Variants in PTAFR observed in about 807,000 individuals in gnomAD.
PTAFR encodes platelet-activating factor receptor.
A neutral mutation model predicts 14.7 loss-of-function variants in PTAFR; 8 were observed. The observed-to-expected ratio is 0.54, with a 90% confidence interval of 0.32 to 0.98. The LOEUF is 0.98. PTAFR is among the 50% of genes least tolerant of loss of function. The probability of loss-of-function intolerance (pLI) is 0.04; values close to 1 mark genes in which losing one functional copy is unlikely to be tolerated. For synonymous variants in PTAFR, 156 were observed against 176.5 expected, an observed-to-expected ratio of 0.88 and a Z score of 0.92; for missense variants, 337 against 451.2, an observed-to-expected ratio of 0.75 and a Z score of 2.29.
chr1:28,169,256 T>C (rs149166551), intron 1 of PTAFR, among the ~76,000 whole-genome samples: 3 of 148,982 alleles, frequency 2.0e-5, no homozygotes, highest in Admixed American at 6.7e-5. Flanking sequence ...TCAAAATGCA[T>C]GCTAAGAGAG....
chr1:28,180,496 C>T (rs879588055), upstream of PTAFR, among the ~76,000 whole-genome samples: 1 of 152,180 alleles, frequency 6.6e-6, no homozygotes, highest in African/African-American at 2.4e-5. Flanking sequence ...TTATCGGCAC[C>T]GCCAGTTGGC....
At chr1:28,162,683 A>C (rs1050427057) in intron 1 of PTAFR, among the ~76,000 whole-genome samples, 23 of 151,906 alleles carry the variant, frequency 1.5e-4, no homozygotes, top group African/African-American at 4.6e-4. Flanking sequence ...AAAATTAGCC[A>C]GGCATGGTGG....
intron 1 of PTAFR, among the ~76,000 whole-genome samples, chr1:28,159,918 T>A (rs888610282): frequency 1.3e-5 from 2 of 151,924 alleles, no homozygotes; most frequent in African/African-American, 4.8e-5. Flanking sequence ...GTAAAAAATA[T>A]TTTCCAGACA....
At chr1:28,152,213 T>C (rs917698371) in intron 1 of PTAFR, among the ~76,000 whole-genome samples, 4 of 152,138 alleles carry the variant, frequency 2.6e-5, no homozygotes, top group African/African-American at 9.7e-5. Flanking sequence ...TGTTTTTTCC[T>C]ACATAAAATA....
At chr1:28,151,085 T>C in intron 1 of PTAFR, 26 bp from the exon 2 acceptor site, 1 of 1,356,036 alleles carries the variant, frequency 7.4e-7, no homozygotes, top group South Asian at 1.4e-5. Flanking sequence ...AAAATTCTGG[T>C]TAATAAAGGG....
At chr1:28,151,183 C>CT (rs375423491) in intron 1 of PTAFR, 124 bp from the exon 2 acceptor site, 31,787 of 472,952 alleles carry the variant, frequency 0.067, no homozygotes, top group South Asian at 0.088. Flanking sequence ...CATGTTGAAT[C>CT]TTTTTTTTTT....
chr1:28,173,835 TCA>T (rs1646480635), intron 1 of PTAFR, among the ~76,000 whole-genome samples: 1 of 151,924 alleles, frequency 6.6e-6, no homozygotes, highest in Non-Finnish European at 1.5e-5. Flanking sequence ...TGTCTCTCTC[TCA>T]CACACAAACA....
At chr1:28,182,552 C>T (rs1482534499) in intron 1 of PTAFR, among the ~76,000 whole-genome samples, 2 of 151,772 alleles carry the variant, frequency 1.3e-5, no homozygotes, top group Non-Finnish European at 2.9e-5. Context: ...ATGATCATGC[C>T]ACTGCACTCC....
At chr1:28,166,984 CA>C (rs1236029028) in intron 1 of PTAFR, among the ~76,000 whole-genome samples, 1 of 151,706 alleles carries the variant, frequency 6.6e-6, no homozygotes, top group East Asian at 1.9e-4. Flanking sequence ...CTCTAAACAA[CA>C]AAAAAATTAA....
At chr1:28,156,789 G>T (rs1646268339) in intron 1 of PTAFR, among the ~76,000 whole-genome samples, 1 of 152,172 alleles carries the variant, frequency 6.6e-6, no homozygotes, top group Admixed American at 6.5e-5. Context: ...GACCGGCCTT[G>T]TTTCTCTCTC....
intron 1 of PTAFR, among the ~76,000 whole-genome samples, chr1:28,170,810 C>T (rs1646445061): frequency 1.3e-5 from 2 of 151,688 alleles, no homozygotes; most frequent in Admixed American, 6.6e-5. Flanking sequence ...ACCATCCTGG[C>T]TAACACGGTA....
chr1:28,163,215 G>C (rs1339738023), intron 1 of PTAFR, among the ~76,000 whole-genome samples: 1 of 152,172 alleles, frequency 6.6e-6, no homozygotes, highest in East Asian at 1.9e-4. Flanking sequence ...ATCGCCACAG[G>C]CAAAATGAGT....
At chr1:28,166,984 C>CA (rs1236029028) in intron 1 of PTAFR, among the ~76,000 whole-genome samples, 2 of 151,706 alleles carry the variant, frequency 1.3e-5, no homozygotes, top group Admixed American at 6.6e-5. Context: ...CTCTAAACAA[C>CA]AAAAAAATTA....
chr1:28,181,717 G>T (rs975239726), intron 1 of PTAFR, among the ~76,000 whole-genome samples: 2 of 151,778 alleles, frequency 1.3e-5, no homozygotes, highest in Non-Finnish European at 2.9e-5. Context: ...ACTCCAGCCT[G>T]GGCAACAAGA....
intron 1 of PTAFR, among the ~76,000 whole-genome samples, chr1:28,162,663 T>C (rs1156659884): frequency 2.0e-5 from 3 of 151,680 alleles, no homozygotes; most frequent in African/African-American, 7.3e-5. Context: ...CCCTCTCTAA[T>C]AAAACTACAA....
At chr1:28,155,800 C>G (rs1646257532) in intron 1 of PTAFR, among the ~76,000 whole-genome samples, 2 of 152,122 alleles carry the variant, frequency 1.3e-5, no homozygotes, top group Non-Finnish European at 2.9e-5. Context: ...CCTGGAAGGT[C>G]AAGGCTGCAG....
rs576647498 is a variant in PTAFR, at chr1:28,167,860, A to G, written c.-39+8732T>C. ...CGCCATGTTGGCCAAGCTGGTCTCTAACGCCTGACCTCAAGTGATCCGCCC... is the reference window on the plus strand; with the variant it reads ...CGCCATGTTGGCCAAGCTGGTCTCTGACGCCTGACCTCAAGTGATCCGCCC... On this transcript the variant is annotated intron_variant, in intron 1 of 1. Coordinates refer to ENST00000373857, the MANE Select transcript of PTAFR (RefSeq NM_000952.5). Among the ~76,000 whole-genome samples the G allele has an allele frequency of 1.9e-3, 292 of 150,726 alleles. 1 individual carries two copies. Among genetic ancestry groups the G allele is most frequent in the Middle Eastern group, 6.8e-3 (2 of 292 alleles).
intron 1 of PTAFR, among the ~76,000 whole-genome samples, chr1:28,164,481 G>C (rs1427619984): frequency 6.6e-6 from 1 of 152,110 alleles, no homozygotes; most frequent in African/African-American, 2.4e-5. Context: ...GGATCATGAG[G>C]CTGGAGCCCC....
At chr1:28,175,794 C>A (rs1235071354) in intron 1 of PTAFR, among the ~76,000 whole-genome samples, 1 of 152,140 alleles carries the variant, frequency 6.6e-6, no homozygotes, top group East Asian at 1.9e-4. Flanking sequence ...CTTTATATGA[C>A]CCGACAATTC....
Sources: gnomAD v4.1 joint callset for allele counts (sites outside exome capture counted in the v4.1 genomes callset) on GRCh38, gnomAD v4.1.1 for gene constraint, MANE v1.5 for transcripts, NCBI Gene and HGNC (gene_info 2026-07-23, HGNC 2026-07-21) for gene names.